Variants in TRRAP observed in about 807,000 individuals in gnomAD.
TRRAP encodes transformation/transcription domain-associated protein.
TRRAP carries 41 observed loss-of-function variants against 438.8 expected under a neutral mutation model. The observed-to-expected ratio is 0.09, with a 90% CI of 0.07 to 0.12. The LOEUF (loss-of-function observed/expected upper bound fraction) is 0.12, where lower values mean the gene tolerates loss of function less well. TRRAP is among the 10% of genes least tolerant of loss of function. The pLI, the probability that TRRAP is intolerant of heterozygous loss-of-function variation, is 1.00. For synonymous variants in TRRAP, 1,994 were observed against 1,962.9 expected (o/e 1.02, Z -0.42); for missense variants, 3,122 against 5,055.1 (o/e 0.62, Z 11.60).
At chr7:98,932,204 C>G (rs1042822316) in intron 26 of TRRAP, among the ~76,000 whole-genome samples, 1 of 152,084 alleles carries the variant, frequency 6.6e-6, no homozygotes, top group Non-Finnish European at 1.5e-5. Context: ...AGCTCTGCCT[C>G]CCAGGTTCAC....
At position 98,927,374 on chromosome 7, in the gene TRRAP, C is replaced by G. The variant is rs367723814; in HGVS notation, c.3175+8C>G. The stretch of plus-strand genomic sequence containing the variant: ...CAGTCGCCCAGCAGTGTGGTGAGCA[C>G]GGGGGCACGGTGGGGCACGGGATTG... On this transcript the variant is annotated splice_region_variant and intron_variant, in intron 23 of 72. Transcript: ENST00000456197. 1.2e-6 allele frequency: 2 copies of G among 1,613,836 alleles called. No individual in the cohort carries two copies. Among genetic ancestry groups the G allele is most frequent in the Admixed American group, 3.3e-5 (2 of 60,016 alleles).
chr7:98,911,259 T>C lies in TRRAP; in HGVS notation c.1995T>C (p.Asn665=). The change falls in exon 17 of 73, where the codon AAT becomes AAC. Residue 665 remains asparagine (N), a synonymous_variant. Transcript: ENST00000456197. ...ATATGGTGGAGAGAATCTCAAAAAATTATGCTCTTCAGGTATAAAACTCCT... is the reference window on the plus strand; with the variant it reads ...ATATGGTGGAGAGAATCTCAAAAAACTATGCTCTTCAGGTATAAAACTCCT... ...VPYMVERISK[N]YALQIVANSF... 6.2e-7 allele frequency: 1 copy of C among 1,611,528 alleles called. No individual in the cohort carries two copies.
At position 98,994,230 on chromosome 7, in the gene TRRAP, G is replaced by A. The variant is rs187802894; in HGVS notation, c.10048-357G>A. On this transcript the variant is annotated intron_variant, in intron 66 of 72. Coordinates refer to ENST00000456197, the MANE Select transcript of TRRAP (RefSeq NM_001375524.1). The surrounding 1 kb of genome is among the most constrained non-coding windows in gnomAD (Gnocchi z 4.8). Reference sequence around the variant, plus strand: ...CAGCTCCTTACTGCTGTGAAGTCTCGTGTGTGCACAGTGCACGCAGACACG... The same window carrying A: ...CAGCTCCTTACTGCTGTGAAGTCTCATGTGTGCACAGTGCACGCAGACACG... Among the ~76,000 whole-genome samples the A allele has an allele frequency of 1.3e-5, 2 of 152,190 alleles. No homozygotes were observed. Among genetic ancestry groups the A allele is most frequent in the Non-Finnish European group, 2.9e-5 (2 of 68,028 alleles).
In TRRAP at chr7:98,990,445, T is replaced by C; in HGVS notation, c.9592-10T>C. 1 of 1,610,124 alleles carries C rather than the reference T, an allele frequency of 6.2e-7. No homozygotes were observed. Among genetic ancestry groups the C allele is most frequent in the Non-Finnish European group, 8.5e-7 (1 of 1,176,588 alleles). On this transcript the variant is annotated splice_polypyrimidine_tract_variant and intron_variant, in intron 63 of 72. Transcript: ENST00000456197. ...GTCATTCTACTCTAGAATTTCTCCT[T>C]CTGTCTCAGGTGCTGTGGCTTTTGA...
At chr7:98,999,364 C>T (rs1584408956) in intron 67 of TRRAP, 1 of 1,399,008 alleles carries the variant, frequency 7.1e-7, no homozygotes. Flanking sequence ...GATTCCACAT[C>T]CTGCACAGCT....
chr7:98,952,363 G>T lies in TRRAP; in HGVS notation c.5464-804G>T, dbSNP rs376951423. Reference sequence around the variant, plus strand: ...TCTGATCATAATGCAGAAAAATGAGGAGTAGACAAAAGTTGACCAGGAAAA... The same window carrying T: ...TCTGATCATAATGCAGAAAAATGAGTAGTAGACAAAAGTTGACCAGGAAAA... On this transcript the variant is annotated intron_variant, in intron 39 of 72. Transcript: ENST00000456197. Among the ~76,000 whole-genome samples, 37 of 152,250 alleles carry T rather than the reference G, an allele frequency of 2.4e-4. No homozygotes were observed. In the East Asian group the frequency reaches 2.7e-3, roughly 11 times the overall value.
intron 45 of TRRAP, among the ~76,000 whole-genome samples, chr7:98,959,721 C>G (rs75102418): frequency 1.4e-4 from 21 of 151,986 alleles, no homozygotes; most frequent in Non-Finnish European, 2.6e-4. Context: ...TTTAGGAGTT[C>G]GAGACCAGTC....
At chr7:98,949,116 C>G (rs1356515966) in intron 35 of TRRAP, among the ~76,000 whole-genome samples, 1 of 151,952 alleles carries the variant, frequency 6.6e-6, no homozygotes, top group Non-Finnish European at 1.5e-5. Context: ...GCCTGTAGTC[C>G]CAGCTCCTCA....
chr7:98,935,540 G>A (rs781975422), intron 27 of TRRAP, 39 bp from the exon 28 acceptor site: 2 of 1,565,116 alleles, frequency 1.3e-6, no homozygotes, highest in Non-Finnish European at 1.8e-6. Context: ...TGTCTTCACA[G>A]GAAGAGTGGG....
At chr7:98,988,076 C>T (rs901619726) in intron 62 of TRRAP, among the ~76,000 whole-genome samples, 12 of 152,194 alleles carry the variant, frequency 7.9e-5, no homozygotes, top group Admixed American at 5.9e-4. Context: ...CCTTTTAATC[C>T]GCTGCTGGAG....
intron 64 of TRRAP, 30 bp downstream of exon 64, chr7:98,990,649 T>A (rs769536219): frequency 6.3e-7 from 1 of 1,585,892 alleles, no homozygotes; most frequent in Admixed American, 1.7e-5. Context: ...CTTGTTCACG[T>A]GCACAAAACA....
intron 56 of TRRAP, 92 bp downstream of exon 56, chr7:98,977,168 TTC>T (rs1652275540): frequency 6.4e-7 from 1 of 1,553,376 alleles, no homozygotes; most frequent in Non-Finnish European, 8.7e-7. Context: ...GGAGTTCACG[TTC>T]TCTTTTTTTG....
At position 98,976,220 on chromosome 7, in the gene TRRAP, C is replaced by G. The variant is rs79756035; in HGVS notation, c.7911C>G (p.Val2637=). 8 of 1,614,146 alleles carry G rather than the reference C, an allele frequency of 5.0e-6. No individual in the cohort carries two copies. The highest frequency in any genetic ancestry group is 5.9e-6 in the Non-Finnish European group (7 of 1,180,012). ...ISTTLAEKTW[V]QLFPRLWKIL... Reference sequence around the variant, plus strand: ...CGACGCTGGCAGAGAAGACGTGGGTCCAGCTTTTCCCCAGATTGTGGAAGA... The same window carrying G: ...CGACGCTGGCAGAGAAGACGTGGGTGCAGCTTTTCCCCAGATTGTGGAAGA... The change falls in exon 54 of 73, where the codon GTC becomes GTG. Residue 2637 remains valine, a synonymous_variant. Coordinates refer to ENST00000456197, the MANE Select transcript of TRRAP (RefSeq NM_001375524.1). The surrounding 1 kb of genome is among the most constrained non-coding windows in gnomAD (Gnocchi z 4.6).
At chr7:98,937,392 C>T in intron 29 of TRRAP, 115 bp downstream of exon 29, 1 of 1,413,622 alleles carries the variant, frequency 7.1e-7, no homozygotes, top group Non-Finnish European at 9.4e-7. Flanking sequence ...GCCTAAAAGG[C>T]TTTATGCATG....
At chr7:98,940,517 A>G (rs887633882) in intron 30 of TRRAP, among the ~76,000 whole-genome samples, 34 of 152,126 alleles carry the variant, frequency 2.2e-4, no homozygotes, top group Admixed American at 2.0e-3. Context: ...TTCAGTGAAC[A>G]TTGTTACCCA....
At position 98,981,954 on chromosome 7, in the gene TRRAP, C is replaced by T; in HGVS notation, c.8820C>T (p.Leu2940=). The change falls in exon 59 of 73, where the codon CTC becomes CTT. Residue 2940 remains leucine, a synonymous_variant. Transcript: ENST00000456197. The part of the protein sequence containing the change: ...PHVVSHVHTP[L]LQAAQQIIEL... ...TAGTGTCCCACGTGCACACGCCTCT[C>T]CTACAGGTGCGTGCGGTGCCCCCAT... The T allele has an allele frequency of 6.3e-7, 1 of 1,588,744 alleles. No individual in the cohort carries two copies. The highest frequency in any genetic ancestry group is 8.6e-7 in the Non-Finnish European group (1 of 1,169,066).
intron 35 of TRRAP, among the ~76,000 whole-genome samples, chr7:98,949,147 T>C (rs1791213428): frequency 6.6e-6 from 1 of 152,046 alleles, no homozygotes; most frequent in South Asian, 2.1e-4. Context: ...GTGGGAGGAT[T>C]GCTTGAGTTC....
chr7:98,901,694 A>G (rs921533695), intron 11 of TRRAP, among the ~76,000 whole-genome samples: 7 of 152,154 alleles, frequency 4.6e-5, no homozygotes, highest in South Asian at 4.1e-4. Context: ...GATTACAGGC[A>G]TGCACTACCA....
chr7:98,880,262 G>GTTGTT lies in TRRAP; in HGVS notation c.-61-826_-61-825insGTTTT, dbSNP rs1214006753. ...CTGCCTGCGTTTTGTTGTTGTTGTTGTTTTTTTTTTTTTTTTTCCGAGACT... is the reference window on the plus strand; with the variant it reads ...CTGCCTGCGTTTTGTTGTTGTTGTTGTTGTTTTTTTTTTTTTTTTTTTCCGAGACT... On this transcript the variant is annotated intron_variant, in intron 1 of 72. Transcript: ENST00000456197. 7.0e-4 allele frequency among the ~76,000 whole-genome samples: 92 copies of GTTGTT among 132,108 alleles called. No homozygotes were observed. In the South Asian group the frequency reaches 8.6e-3, roughly 12 times the overall value. The allele number at this position is 132,108 out of a possible 152,430, so 86.7% of individuals were successfully genotyped here.
Sources: allele counts gnomAD v4.1 joint callset (sites outside exome capture counted in the v4.1 genomes callset), GRCh38; gene constraint gnomAD v4.1.1; non-coding constraint Gnocchi (gnomAD v3.1); transcripts MANE v1.5; gene names NCBI Gene and HGNC (gene_info 2026-07-23, HGNC 2026-07-21).